UBR3: variants seen among roughly 807,000 people sequenced by gnomAD.
The protein encoded by UBR3 is E3 ubiquitin-protein ligase UBR3.
Under a neutral mutation model 243.2 loss-of-function variants are expected in UBR3, and 85 were observed. That is an observed-to-expected ratio of 0.35 (90% CI 0.29 to 0.42). The LOEUF (loss-of-function observed/expected upper bound fraction) is 0.42. Ranked by LOEUF, UBR3 falls within the 10% of genes least tolerant of loss-of-function variation. The pLI, the probability that UBR3 is intolerant of heterozygous loss-of-function variation, is 1.00. For synonymous variants in UBR3, 748 were observed against 799.8 expected, an observed-to-expected ratio of 0.94 and a Z score of 1.09; for missense variants, 1,686 against 2,300.8, an observed-to-expected ratio of 0.73 and a Z score of 5.47.
intron 22 of UBR3, among the ~76,000 whole-genome samples, chr2:169,948,743 G>A (rs943665459): frequency 6.6e-6 from 1 of 151,946 alleles, no homozygotes; most frequent in Admixed American, 6.6e-5. Flanking sequence ...ACTCACAAAA[G>A]CTCAACTGAT....
chr2:169,865,887 C>T (rs903112792), intron 1 of UBR3, among the ~76,000 whole-genome samples: 2 of 152,080 alleles, frequency 1.3e-5, no homozygotes, highest in African/African-American at 2.4e-5. Flanking sequence ...CGGTGGCTAA[C>T]GCCTGTAATC....
Position 170,082,934 on chromosome 2 carries a change from T to C in UBR3, c.*1091T>C, listed in dbSNP as rs140629963. Reference sequence around the variant, plus strand: ...AACTGCTGTGAAAAACAATTTATGTTTGCAGGGTTTAAAAATCAGTAAAAA... The same window carrying C: ...AACTGCTGTGAAAAACAATTTATGTCTGCAGGGTTTAAAAATCAGTAAAAA... On this transcript the variant is annotated 3_prime_UTR_variant, in exon 39 of 39. Transcript: ENST00000272793. 3 of 152,710 alleles carry C rather than the reference T, an allele frequency of 2.0e-5. No individual in the cohort carries two copies. The East Asian group carries it at 5.8e-4, about 29-fold the overall frequency. The allele number at this position is 152,710 out of a possible 1,614,324, so 9.5% of individuals were successfully genotyped here. A position where few individuals can be genotyped will look rare whatever the true frequency, so the allele number is the denominator to read the frequency against.
At chr2:169,900,327 A>G (rs1206067223) in intron 8 of UBR3, among the ~76,000 whole-genome samples, 2 of 152,052 alleles carry the variant, frequency 1.3e-5, no homozygotes, top group African/African-American at 4.8e-5. Flanking sequence ...TCCTTCACCC[A>G]CTTTTTGATA....
intron 1 of UBR3, among the ~76,000 whole-genome samples, chr2:169,845,531 G>GTCTTCT (rs1184360391): frequency 3.8e-4 from 40 of 105,200 alleles, no homozygotes; most frequent in Non-Finnish European, 7.2e-4. Flanking sequence ...CGTCGTCGTC[G>GTCTTCT]TCTTCTTCTT....
intron 1 of UBR3, among the ~76,000 whole-genome samples, chr2:169,828,888 T>C (rs976191061): frequency 2.0e-5 from 3 of 152,174 alleles, no homozygotes; most frequent in Admixed American, 6.5e-5. Flanking sequence ...CATCAGATGT[T>C]GGGACTTATG....
intron 4 of UBR3, 93 bp from the exon 5 acceptor site, chr2:169,878,430 CTT>C: frequency 8.1e-7 from 1 of 1,232,308 alleles, no homozygotes; most frequent in Non-Finnish European, 1.1e-6. Context: ...CGTAACAAAA[CTT>C]AGCTTTTTGA....
chr2:169,878,897 G>A (rs181031132), intron 5 of UBR3, among the ~76,000 whole-genome samples: 34 of 152,212 alleles, frequency 2.2e-4, no homozygotes, highest in Admixed American at 1.7e-3. Flanking sequence ...AAATTTACCC[G>A]TATAGTTGTC....
At chr2:169,895,122 TATAAA>T (rs2105327244) in intron 6 of UBR3, 54 bp from the exon 7 acceptor site, 1 of 1,433,858 alleles carries the variant, frequency 7.0e-7, no homozygotes, top group African/African-American at 1.5e-5. Context: ...GGTTATTAGT[TATAAA>T]ATGAGATGAG....
chr2:169,834,236 A>G (rs1418041796), intron 1 of UBR3, among the ~76,000 whole-genome samples: 2 of 152,192 alleles, frequency 1.3e-5, no homozygotes, highest in East Asian at 3.8e-4. Flanking sequence ...CAAAAGTAGA[A>G]CTGCTTCATT....
rs57266585 is a variant in UBR3, at chr2:169,889,692, T to C, written c.1039-1473T>C. 9.7e-3 allele frequency among the ~76,000 whole-genome samples: 1,469 copies of C among 152,228 alleles called. 17 individuals are homozygous for C. Among genetic ancestry groups the C allele is most frequent in the African/African-American group, 0.033 (1,387 of 41,540 alleles). On this transcript the variant is annotated intron_variant, in intron 5 of 38. Coordinates refer to ENST00000272793, the MANE Select transcript of UBR3 (RefSeq NM_172070.4). ...GGTGGAGATTAACAGGGAAGACATA[T>C]TGAAGTGCCCAGTAAATGCTGAATG...
intron 23 of UBR3, among the ~76,000 whole-genome samples, chr2:169,952,634 G>A (rs1413189538): frequency 6.6e-6 from 1 of 152,158 alleles, no homozygotes; most frequent in African/African-American, 2.4e-5. Context: ...GACAGAGGTT[G>A]CAGTGAGCTG....
intron 1 of UBR3, among the ~76,000 whole-genome samples, chr2:169,845,534 T>A (rs202044758): frequency 8.2e-6 from 1 of 122,584 alleles, no homozygotes; most frequent in Admixed American, 7.7e-5. Context: ...CGTCGTCGTC[T>A]TCTTCTTCTT....
intron 30 of UBR3, among the ~76,000 whole-genome samples, chr2:170,025,287 A>C (rs1054657674): frequency 2.6e-5 from 4 of 152,184 alleles, no homozygotes; most frequent in Non-Finnish European, 5.9e-5. Flanking sequence ...TAAAATTGAA[A>C]TAGATAGCAC....
chr2:169,885,181 T>C (rs1483837133), intron 5 of UBR3, among the ~76,000 whole-genome samples: 1 of 152,202 alleles, frequency 6.6e-6, no homozygotes, highest in Admixed American at 6.5e-5. Context: ...GCAAACCCTT[T>C]TCATGATTTT....
At chr2:170,058,911 A>C (rs940151418) in intron 33 of UBR3, among the ~76,000 whole-genome samples, 8 of 152,172 alleles carry the variant, frequency 5.3e-5, no homozygotes, top group Admixed American at 3.9e-4. Context: ...TGAAATCAAA[A>C]ACTTTAAGAA....
chr2:169,993,105 A>C (rs2089343476), intron 25 of UBR3, among the ~76,000 whole-genome samples: 1 of 152,198 alleles, frequency 6.6e-6, no homozygotes, highest in African/African-American at 2.4e-5. Flanking sequence ...ATCATTCCTA[A>C]GAAATGTAAC....
At chr2:169,960,720 A>G (rs189974321) in intron 24 of UBR3, among the ~76,000 whole-genome samples, 2 of 152,176 alleles carry the variant, frequency 1.3e-5, no homozygotes, top group East Asian at 3.9e-4. Context: ...TTTTTCAGAT[A>G]CTTTTAAACT....
At chr2:169,893,648 C>T (rs2084459376) in intron 6 of UBR3, among the ~76,000 whole-genome samples, 1 of 152,146 alleles carries the variant, frequency 6.6e-6, no homozygotes, top group Admixed American at 6.5e-5. Context: ...CCTCTGCCTC[C>T]CAGGCTCAAG....
chr2:170,004,912 AAAAC>A (rs770475787), intron 27 of UBR3, among the ~76,000 whole-genome samples: 36 of 151,802 alleles, frequency 2.4e-4, no homozygotes, highest in Admixed American at 9.2e-4. Context: ...ACTCCATCTC[AAAAC>A]AAACAAACAA....
Sources: allele counts gnomAD v4.1 joint callset (sites outside exome capture counted in the v4.1 genomes callset), GRCh38; gene constraint gnomAD v4.1.1; transcripts MANE v1.5; gene names NCBI Gene and HGNC (gene_info 2026-07-23, HGNC 2026-07-21).